The following RELN variants were observed in gnomAD, a reference collection of about 807,000 sequenced individuals.
The protein encoded by RELN is reelin.
A neutral mutation model predicts 427.6 loss-of-function variants in RELN; 108 were observed. That is an observed-to-expected ratio of 0.25 (90% CI 0.22 to 0.30). The LOEUF (loss-of-function observed/expected upper bound fraction) is 0.30. Among genes scored for constraint, RELN ranks in the 10% least tolerant of loss-of-function variants. RELN has a pLI of 1.00. For synonymous variants in RELN, 1,524 were observed against 1,513.4 expected, an observed-to-expected ratio of 1.01 and a Z score of -0.16; for missense variants, 3,715 against 4,302.8, an observed-to-expected ratio of 0.86 and a Z score of 3.82.
intron 1 of RELN, among the ~76,000 whole-genome samples, chr7:103,944,343 A>G (rs1444730405): frequency 6.6e-6 from 1 of 151,472 alleles, no homozygotes; most frequent in Non-Finnish European, 1.5e-5. Context: ...AGCCCAGAGG[A>G]GGAAGAACAC....
chr7:103,941,968 T>C (rs1308631204), intron 1 of RELN, among the ~76,000 whole-genome samples: 1 of 151,078 alleles, frequency 6.6e-6, no homozygotes, highest in African/African-American at 2.4e-5. Context: ...ATATAATAAA[T>C]TATATGTAAT....
intron 4 of RELN, among the ~76,000 whole-genome samples, chr7:103,756,885 G>A (rs761103385): frequency 6.6e-5 from 10 of 152,196 alleles, no homozygotes; most frequent in Middle Eastern, 3.4e-3. Flanking sequence ...AAAGATTCAC[G>A]CATATGTGGC....
intron 2 of RELN, among the ~76,000 whole-genome samples, chr7:103,904,641 G>A (rs1358457320): frequency 6.6e-6 from 1 of 152,154 alleles, no homozygotes; most frequent in Non-Finnish European, 1.5e-5. Context: ...GTCTCATGTG[G>A]AATGTGTGTT....
chr7:103,932,540 T>C (rs1795889420), intron 1 of RELN, among the ~76,000 whole-genome samples: 1 of 152,146 alleles, frequency 6.6e-6, no homozygotes, highest in African/African-American at 2.4e-5. Context: ...GAACCTAAAA[T>C]AAAAGCTTTA....
chr7:103,525,794 G>A (rs900838718), intron 46 of RELN, among the ~76,000 whole-genome samples: 18 of 151,518 alleles, frequency 1.2e-4, no homozygotes, highest in Non-Finnish European at 2.1e-4. Flanking sequence ...ATAGATAGTA[G>A]GTAAGTAATA....
chr7:103,985,142 C>T (rs1236228910), intron 1 of RELN, among the ~76,000 whole-genome samples: 1 of 151,986 alleles, frequency 6.6e-6, no homozygotes, highest in Non-Finnish European at 1.5e-5. Flanking sequence ...CTGTCTGTCT[C>T]ACAGTATAAT....
chr7:103,566,125 G>T, intron 33 of RELN, 99 bp downstream of exon 33: 1 of 1,045,252 alleles, frequency 9.6e-7, no homozygotes, highest in Non-Finnish European at 1.5e-6. Context: ...TGGGTAGTTA[G>T]GCACACGGTT....
chr7:103,778,020 C>T (rs751263841), intron 3 of RELN, among the ~76,000 whole-genome samples: 1 of 152,098 alleles, frequency 6.6e-6, no homozygotes, highest in Non-Finnish European at 1.5e-5. Context: ...TTATAAGGGG[C>T]GTCAGCCCTT....
intron 20 of RELN, among the ~76,000 whole-genome samples, chr7:103,617,344 C>T (rs1832104638): frequency 6.6e-6 from 1 of 152,018 alleles, no homozygotes; most frequent in South Asian, 2.1e-4. Flanking sequence ...GGAGGTTTGT[C>T]CTCCTGAAAC....
chr7:103,861,371 G>A (rs1216471338), intron 2 of RELN, among the ~76,000 whole-genome samples: 1 of 152,164 alleles, frequency 6.6e-6, no homozygotes, highest in East Asian at 1.9e-4. Flanking sequence ...GGGATGGGAA[G>A]GGAAGAGGTG....
At chr7:103,975,798 G>A (rs1203438725) in intron 1 of RELN, among the ~76,000 whole-genome samples, 3 of 149,496 alleles carry the variant, frequency 2.0e-5, no homozygotes, top group Non-Finnish European at 3.0e-5. Flanking sequence ...CGCCCACCTT[G>A]GCATCCCAAA....
At chr7:103,526,315 G>A (rs1012080333) in intron 46 of RELN, among the ~76,000 whole-genome samples, 18 of 152,326 alleles carry the variant, frequency 1.2e-4, no homozygotes, top group African/African-American at 4.3e-4. Context: ...CAAAGAAGAG[G>A]AAACAGTAAG....
chr7:103,822,501 C>T (rs1179497071), intron 3 of RELN, among the ~76,000 whole-genome samples: 2 of 152,010 alleles, frequency 1.3e-5, no homozygotes, highest in Non-Finnish European at 2.9e-5. Context: ...CAGCACATGC[C>T]TAAAGGTAGA....
At chr7:103,616,669 CTTTT>C (rs80056123) in intron 20 of RELN, among the ~76,000 whole-genome samples, 1 of 151,768 alleles carries the variant, frequency 6.6e-6, no homozygotes, top group African/African-American at 2.4e-5. Context: ...CACACACATA[CTTTT>C]TTTTAAAAAA....
chr7:103,520,957 ATTTTTTTTTT>A (rs55830035), intron 48 of RELN, among the ~76,000 whole-genome samples: 3,719 of 79,362 alleles, frequency 0.047, 69 homozygotes, highest in South Asian at 0.2. Context: ...TAAATTTGTT[ATTTTTTTTTT>A]TTTTTTTTTT....
intron 4 of RELN, among the ~76,000 whole-genome samples, chr7:103,757,822 G>T (rs1386996238): frequency 6.6e-6 from 1 of 152,138 alleles, no homozygotes; most frequent in Non-Finnish European, 1.5e-5. Flanking sequence ...TGTACCCAGA[G>T]AGATCACTGT....
rs149062691 is a variant in RELN, at chr7:103,604,363, G to A, written c.3129C>T (p.Cys1043=). Reference sequence around the variant, plus strand: ...GCACATACCTGCATATGCCATGATCGCATGAGCCATGCCCACTGCACATGT... The same window carrying A: ...GCACATACCTGCATATGCCATGATCACATGAGCCATGCCCACTGCACATGT... ...CPNMCSGHGS[C]DHGICRCDQG... is the part of the protein sequence containing the mutation. The change falls in exon 23 of 65, where the codon TGC becomes TGT. Residue 1043 remains cysteine, a synonymous_variant. Coordinates refer to ENST00000428762, the MANE Select transcript of RELN (RefSeq NM_005045.4). 1.3e-5 allele frequency: 21 copies of A among 1,613,636 alleles called. No individual in the cohort carries two copies. The highest frequency in any genetic ancestry group is 1.7e-5 in the Admixed American group (1 of 59,982).
chr7:103,724,609 C>G (rs374702138), intron 7 of RELN, among the ~76,000 whole-genome samples: 77 of 152,230 alleles, frequency 5.1e-4, no homozygotes, highest in African/African-American at 1.8e-3. Flanking sequence ...TGCTAGCGAA[C>G]AGCAAGTTGT....
chr7:103,828,124 A>G lies in RELN; in HGVS notation c.473+5413T>C, dbSNP rs747649511. Among the ~76,000 whole-genome samples, 66 of 152,084 alleles carry G rather than the reference A, an allele frequency of 4.3e-4. No individual in the cohort carries two copies. In the Middle Eastern group the frequency reaches 0.01, roughly 24 times the overall value. ...GTGTCCGTCTGATGAATGGAAATAA[A>G]TGGGCAACCATGCAATATTTTCTGA... On this transcript the variant is annotated intron_variant, in intron 3 of 64. Transcript: ENST00000428762.
Sources: gnomAD v4.1 joint callset for allele counts (sites outside exome capture counted in the v4.1 genomes callset) on GRCh38, gnomAD v4.1.1 for gene constraint, MANE v1.5 for transcripts, NCBI Gene and HGNC (gene_info 2026-07-23, HGNC 2026-07-21) for gene names.